The following BTK variants were observed in gnomAD, a reference collection of about 807,000 sequenced individuals.
The protein encoded by BTK is tyrosine-protein kinase BTK.
A neutral mutation model predicts 57.4 loss-of-function variants in BTK; 5 were observed. That is an observed-to-expected ratio of 0.09 (90% CI 0.05 to 0.18). The LOEUF (loss-of-function observed/expected upper bound fraction) is 0.18, where lower values mean the gene tolerates loss of function less well. BTK is among the 10% of genes least tolerant of loss of function. The pLI is 1.00. For synonymous variants in BTK, 154 were observed against 174.3 expected, an observed-to-expected ratio of 0.88 and a Z score of 0.92; for missense variants, 194 against 501.2, an observed-to-expected ratio of 0.39 and a Z score of 5.85.
chrX:101,378,008 T>C (rs1239684636), intron 1 of BTK: 1 of 111,461 alleles, frequency 9.0e-6, no homozygotes, highest in Non-Finnish European at 1.9e-5. Flanking sequence ...AGAAGGTTGG[T>C]GTGTAACACA....
At chrX:101,353,814 C>T (rs1926376427) in intron 17 of BTK, 56 bp downstream of exon 17, 4 of 976,531 alleles carry the variant, frequency 4.1e-6, no homozygotes, top group Non-Finnish European at 5.9e-6. Flanking sequence ...TGTGAATTTT[C>T]CCATTGCATT....
Position 101,353,448 on chromosome X carries a change from G to C in BTK, c.1751-97C>G, listed in dbSNP as rs1432411320. 4.4e-6 allele frequency: 4 copies of C among 915,873 alleles called. No individual in the cohort carries two copies. The East Asian group carries it at 1.2e-4, about 28-fold the overall frequency. The allele number at this position is 915,873 out of a possible 1,213,427, so 75.5% of individuals were successfully genotyped here. ...TCAACCTCAAAGATTAGAATCAGTT[G>C]GTTCCCCGCTCTGTGCTTTTTATAT... On this transcript the variant is annotated intron_variant, in intron 17 of 18. Transcript: ENST00000308731.
chrX:101,351,698 G>C (rs1052951707), intron 18 of BTK, among the ~76,000 whole-genome samples: 1 of 111,642 alleles, frequency 9.0e-6, no homozygotes, highest in Non-Finnish European at 1.9e-5. Flanking sequence ...GGAAGAACTC[G>C]AGGTAAGAGG....
chrX:101,378,862 C>T (rs1927308935), intron 1 of BTK, among the ~76,000 whole-genome samples: 1 of 111,034 alleles, frequency 9.0e-6, no homozygotes, highest in Non-Finnish European at 1.9e-5. Flanking sequence ...TATCTTCGCT[C>T]ATAAGATAAA....
intron 1 of BTK, among the ~76,000 whole-genome samples, chrX:101,382,498 C>G: frequency 9.1e-6 from 1 of 110,424 alleles, no homozygotes; most frequent in Non-Finnish European, 1.9e-5. Flanking sequence ...GCCTCGGCCT[C>G]CCAAAATGCT....
chrX:101,374,837 T>C (rs1347898791), intron 2 of BTK, among the ~76,000 whole-genome samples: 1 of 111,692 alleles, frequency 9.0e-6, no homozygotes, highest in Non-Finnish European at 1.9e-5. Context: ...TGAATGACTG[T>C]ATGTACCTTC....
At chrX:101,369,117 G>T (rs1926947429) in intron 5 of BTK, among the ~76,000 whole-genome samples, 1 of 112,421 alleles carries the variant, frequency 8.9e-6, no homozygotes, top group South Asian at 3.6e-4. Flanking sequence ...CACACTGTAT[G>T]GTTGATGTGA....
At chrX:101,374,168 A>G (rs1436210124) in intron 3 of BTK, 3 of 155,155 alleles carry the variant, frequency 1.9e-5, no homozygotes, top group Admixed American at 7.5e-5. Context: ...ATAAATAGTA[A>G]GGTATTAAAG....
Position 101,360,490 on chromosome X carries a change from C to T in BTK, c.776+78G>A, listed in dbSNP as rs2855259. On this transcript the variant is annotated intron_variant, in intron 8 of 18. Transcript: ENST00000308731. ...CAGTCTCTGATGAGGATGCTGATCA[C>T]GGGAATTATGCCGCAGCACTTTTTG... 0.22 allele frequency: 227,993 copies of T among 1,050,267 alleles called. 18,387 individuals carry two copies. The highest frequency in any genetic ancestry group is 0.27 in the Middle Eastern group (1,066 of 3,923). 86.6% of individuals were successfully genotyped at this position (1,050,267 alleles called of 1,213,427 possible). A position where few individuals can be genotyped will look rare whatever the true frequency, so the allele number is the denominator to read the frequency against.
intron 1 of BTK, among the ~76,000 whole-genome samples, chrX:101,382,107 C>T (rs1555981864): frequency 9.1e-6 from 1 of 109,498 alleles, no homozygotes; most frequent in African/African-American, 3.3e-5. Context: ...TGTTAAATTC[C>T]CAAGATGCTT....
chrX:101,351,186 G>A lies in BTK; in HGVS notation c.1909-1230C>T, dbSNP rs1018266284. Among the ~76,000 whole-genome samples the A allele has an allele frequency of 6.3e-5, 7 of 111,579 alleles. No homozygotes were observed. In the Admixed American group the frequency reaches 6.6e-4, roughly 11 times the overall value. On this transcript the variant is annotated intron_variant, in intron 18 of 18. Coordinates refer to ENST00000308731, the MANE Select transcript of BTK (RefSeq NM_000061.3). ...AATTTTTGTATTTTTAGTAGAGACA[G>A]GGTTTCACCATGTTGGCCAGAATGG... is the stretch of plus-strand genomic sequence containing the variant.
intron 1 of BTK, among the ~76,000 whole-genome samples, chrX:101,379,121 C>T (rs1555981437): frequency 9.5e-6 from 1 of 105,720 alleles, no homozygotes; most frequent in African/African-American, 3.5e-5. Context: ...TTGCAGTGAG[C>T]CAAGATCGTG....
chrX:101,349,865 C>A lies in BTK; in HGVS notation c.*20G>T, dbSNP rs782119510. The A allele has an allele frequency of 3.4e-6, 4 of 1,193,063 alleles. No homozygotes were observed. The South Asian group carries it at 7.1e-5, about 21-fold the overall frequency. On this transcript the variant is annotated 3_prime_UTR_variant, in exon 19 of 19. Coordinates refer to ENST00000308731, the MANE Select transcript of BTK (RefSeq NM_000061.3). The stretch of plus-strand genomic sequence containing the variant: ...GGCTTGTGGAGAAGAGAAGTAGAAC[C>A]AAGAAGCTTATTGGCGAGCTCAGGA...
intron 14 of BTK, chrX:101,356,580 C>T: frequency 6.3e-6 from 3 of 476,464 alleles, no homozygotes; most frequent in Non-Finnish European, 1.1e-5. Context: ...GGTACACACC[C>T]ATGATCACCA....
intron 3 of BTK, among the ~76,000 whole-genome samples, chrX:101,372,518 G>A (rs1424328305): frequency 2.8e-5 from 3 of 109,056 alleles, no homozygotes; most frequent in African/African-American, 6.7e-5. Context: ...GTGCGATCTC[G>A]GCTCACTGCA....
At chrX:101,385,174 T>C (rs372030399) in intron 1 of BTK, among the ~76,000 whole-genome samples, 1 of 111,503 alleles carries the variant, frequency 9.0e-6, no homozygotes, top group Admixed American at 9.5e-5. Context: ...ATTCGGCAAT[T>C]ATTTGTTAAG....
chrX:101,390,337 T>G, upstream of BTK: 3 of 436,759 alleles, frequency 6.9e-6, no homozygotes. Flanking sequence ...GCCAAACAAT[T>G]TCATTGTCAC....
chrX:101,370,203 T>C lies in BTK; in HGVS notation c.310-124A>G, dbSNP rs3027632. 8.0e-3 allele frequency: 4,735 copies of C among 591,439 alleles called. 174 individuals are homozygous for C. The African/African-American group carries it at 0.093, about 12-fold the overall frequency. 48.7% of individuals were successfully genotyped at this position (591,439 alleles called of 1,213,427 possible). ...GTAGAAAACAAAGAAAGGCAGAATC[T>C]TCAGTCAGCAATGGTGTTCAGGTTA... is the stretch of plus-strand genomic sequence containing the variant. On this transcript the variant is annotated intron_variant, in intron 4 of 18. Coordinates refer to ENST00000308731, the MANE Select transcript of BTK (RefSeq NM_000061.3).
Position 101,380,088 on chromosome X carries a change from A to G in BTK, c.-30-4774T>C, listed in dbSNP as rs138098007. On this transcript the variant is annotated intron_variant, in intron 1 of 18. Transcript: ENST00000308731. Reference sequence around the variant, plus strand: ...CTAGGGTTCTTATTGCTTACTGTGAATATAAAACTTTGATCAAATATACCT... The same window carrying G: ...CTAGGGTTCTTATTGCTTACTGTGAGTATAAAACTTTGATCAAATATACCT... 5.1e-4 allele frequency among the ~76,000 whole-genome samples: 57 copies of G among 111,449 alleles called. 1 individual carries two copies. The East Asian group carries it at 0.014, about 27-fold the overall frequency.
Sources: allele counts gnomAD v4.1 joint callset (sites outside exome capture counted in the v4.1 genomes callset), GRCh38; gene constraint gnomAD v4.1.1; transcripts MANE v1.5; gene names NCBI Gene and HGNC (gene_info 2026-07-23, HGNC 2026-07-21).